CIT: variants seen among roughly 807,000 people sequenced by gnomAD.
The protein encoded by CIT is citron Rho-interacting kinase.
In CIT, 79 loss-of-function variants were observed where a neutral mutation model predicts 272.7. That is an observed-to-expected ratio of 0.29 (90% confidence interval 0.24 to 0.35). The LOEUF (loss-of-function observed/expected upper bound fraction) is 0.35, where lower values mean the gene tolerates loss of function less well. Among genes scored for constraint, CIT ranks in the 10% least tolerant of loss-of-function variants. CIT has a pLI of 1.00. For missense variants in CIT, 1,909 were observed against 2,618.3 expected, an observed-to-expected ratio of 0.73 and a Z score of 5.91; for synonymous variants, 948 against 995.6, an observed-to-expected ratio of 0.95 and a Z score of 0.90.
At chr12:119,774,604 T>C (rs1356125501) in intron 16 of CIT, among the ~76,000 whole-genome samples, 1 of 152,154 alleles carries the variant, frequency 6.6e-6, no homozygotes, top group Non-Finnish European at 1.5e-5. Flanking sequence ...CATTGCATAC[T>C]ATAAGTACAT....
chr12:119,717,838 C>CCTTTTTTTTTTTTTTT (rs1957598855), intron 32 of CIT, among the ~76,000 whole-genome samples: 4 of 81,352 alleles, frequency 4.9e-5, no homozygotes, highest in East Asian at 3.7e-4. Context: ...TGACTTCTTT[C>CCTTTTTTTTTTTTTTT]TTTTTTTTTT....
chr12:119,840,603 G>C (rs1229935140), intron 5 of CIT, among the ~76,000 whole-genome samples: 1 of 152,200 alleles, frequency 6.6e-6, no homozygotes, highest in Admixed American at 6.5e-5. Context: ...TCACCGATAA[G>C]AAAATTGAAG....
intron 23 of CIT, among the ~76,000 whole-genome samples, chr12:119,750,642 C>T (rs1280144153): frequency 6.6e-6 from 1 of 151,868 alleles, no homozygotes; most frequent in Non-Finnish European, 1.5e-5. Context: ...TATACAGACC[C>T]TGGCACTGTC....
intron 9 of CIT, among the ~76,000 whole-genome samples, chr12:119,817,692 A>G (rs1327089670): frequency 3.3e-5 from 5 of 152,192 alleles, no homozygotes; most frequent in Non-Finnish European, 7.3e-5. Flanking sequence ...AAATGTGTTC[A>G]TCAATGGAGC....
intron 26 of CIT, among the ~76,000 whole-genome samples, chr12:119,731,739 C>T (rs1958457394): frequency 6.6e-6 from 1 of 151,044 alleles, no homozygotes; most frequent in Non-Finnish European, 1.5e-5. Flanking sequence ...CTCCATAAAA[C>T]TATTCCCACT....
At chr12:119,817,435 C>A (rs2138001650) in intron 9 of CIT, among the ~76,000 whole-genome samples, 1 of 152,186 alleles carries the variant, frequency 6.6e-6, no homozygotes, top group South Asian at 2.1e-4. Context: ...TGGCGTGAAC[C>A]TGGGAGGCGG....
In CIT at chr12:119,687,794, TAAAAAA is replaced by T. The variant is rs10574499; in HGVS notation, c.*432_*437del. ...AAATCTATTAAGAATTCTGTTGTCT[TAAAAAA>T]AAAAAAAAAAAAAGGAAAGAAACAA... is the stretch of plus-strand genomic sequence containing the variant. On this transcript the variant is annotated 3_prime_UTR_variant, in exon 48 of 48. Transcript: ENST00000392521. The T allele has an allele frequency of 8.6e-5, 10 of 115,844 alleles. No individual in the cohort carries two copies. Among genetic ancestry groups the T allele is most frequent in the African/African-American group, 3.0e-4 (9 of 30,282 alleles). The allele number at this position is 115,844 out of a possible 1,614,324, so 7.2% of individuals were successfully genotyped here.
chr12:119,870,863 G>C (rs1330421666), intron 2 of CIT, among the ~76,000 whole-genome samples: 2 of 152,038 alleles, frequency 1.3e-5, no homozygotes. Flanking sequence ...GCTCACACCT[G>C]TAATTCCAAC....
intron 19 of CIT, 50 bp from the exon 20 acceptor site, chr12:119,761,105 G>A (rs763419780): frequency 1.5e-6 from 2 of 1,307,920 alleles, no homozygotes; most frequent in African/African-American, 1.5e-5. Flanking sequence ...AAGCTGAGGA[G>A]GGAAGACTAA....
intron 26 of CIT, among the ~76,000 whole-genome samples, chr12:119,733,910 G>A (rs1468739622): frequency 6.6e-6 from 1 of 152,116 alleles, no homozygotes; most frequent in African/African-American, 2.4e-5. Context: ...TTGCCCTGAT[G>A]CCCAGGCCTC....
chr12:119,853,069 G>T (rs998815599), intron 4 of CIT, among the ~76,000 whole-genome samples: 3 of 152,024 alleles, frequency 2.0e-5, no homozygotes, highest in African/African-American at 7.2e-5. Context: ...ATTTGTGATT[G>T]TAATCCCAGC....
chr12:119,733,638 T>C (rs1375491771), intron 26 of CIT, among the ~76,000 whole-genome samples: 1 of 151,890 alleles, frequency 6.6e-6, no homozygotes, highest in Non-Finnish European at 1.5e-5. Flanking sequence ...TCTAGAGACA[T>C]ATTTGTTGTC....
At chr12:119,869,641 T>C (rs1566150735) in intron 2 of CIT, among the ~76,000 whole-genome samples, 2 of 152,166 alleles carry the variant, frequency 1.3e-5, no homozygotes, top group Non-Finnish European at 2.9e-5. Context: ...CCTAGAGTAA[T>C]AAGAACTGAG....
At chr12:119,796,519 T>C (rs1204531365) in intron 10 of CIT, among the ~76,000 whole-genome samples, 3 of 152,098 alleles carry the variant, frequency 2.0e-5, no homozygotes, top group East Asian at 1.9e-4. Flanking sequence ...GTTTCTTACA[T>C]AAAATGAAGA....
chr12:119,781,874 G>A (rs1011060478), intron 13 of CIT, among the ~76,000 whole-genome samples: 4 of 152,190 alleles, frequency 2.6e-5, no homozygotes, highest in Admixed American at 6.5e-5. Flanking sequence ...CATCTGAGAA[G>A]CTATTAAAAC....
intron 40 of CIT, among the ~76,000 whole-genome samples, chr12:119,707,191 C>T (rs778178247): frequency 7.9e-5 from 12 of 152,144 alleles, no homozygotes; most frequent in Admixed American, 7.2e-4. Context: ...GACATACACA[C>T]GCACATGCAA....
chr12:119,836,445 T>C (rs1969025025), intron 5 of CIT, among the ~76,000 whole-genome samples: 1 of 152,130 alleles, frequency 6.6e-6, no homozygotes, highest in South Asian at 2.1e-4. Context: ...TGGCTGCCTG[T>C]AGCTCACCCA....
chr12:119,758,707 C>T lies in CIT; in HGVS notation c.2422-7G>A, dbSNP rs755049837. On this transcript the variant is annotated splice_region_variant and splice_polypyrimidine_tract_variant and intron_variant, in intron 20 of 47. Coordinates refer to ENST00000392521, the MANE Select transcript of CIT (RefSeq NM_001206999.2). Reference sequence around the variant, plus strand: ...AATCCATAGCATTGATCATCTGAAACACAGGGCACCTATGAAACTTCACAC... The same window carrying T: ...AATCCATAGCATTGATCATCTGAAATACAGGGCACCTATGAAACTTCACAC... 1.3e-6 allele frequency: 2 copies of T among 1,572,164 alleles called. No individual in the cohort carries two copies. The highest frequency in any genetic ancestry group is 1.8e-6 in the Non-Finnish European group (2 of 1,141,830).
intron 22 of CIT, among the ~76,000 whole-genome samples, chr12:119,755,912 A>G (rs1287485984): frequency 6.6e-6 from 1 of 152,234 alleles, no homozygotes; most frequent in Non-Finnish European, 1.5e-5. Context: ...ATTATGAGAC[A>G]GACCTCTGCC....
Sources: allele counts gnomAD v4.1 joint callset (sites outside exome capture counted in the v4.1 genomes callset), GRCh38; gene constraint gnomAD v4.1.1; transcripts MANE v1.5; gene names NCBI Gene and HGNC (gene_info 2026-07-23, HGNC 2026-07-21).